Variants in BCAT2 observed in about 807,000 individuals in gnomAD.
BCAT2 encodes branched-chain-amino-acid aminotransferase, mitochondrial.
A neutral mutation model predicts 52.9 loss-of-function variants in BCAT2; 44 were observed. The observed-to-expected ratio is 0.83, with a 90% CI of 0.65 to 1.07. BCAT2 has a LOEUF of 1.07. Ranked by LOEUF, BCAT2 falls within the 50% of genes least tolerant of loss-of-function variation. The pLI is 0.00. For missense variants in BCAT2, 478 were observed against 521.8 expected (o/e 0.92, Z 0.82); for synonymous variants, 215 against 217.1 (o/e 0.99, Z 0.08).
chr19:48,800,300 G>T lies in BCAT2; in HGVS notation c.301-3C>A, dbSNP rs755626342. Reference sequence around the variant, plus strand: ...AACGCCTTCATGCCCTCAAACAGCTGCGGGGACACGCGGGTGGGGAGGCTC... The same window carrying T: ...AACGCCTTCATGCCCTCAAACAGCTTCGGGGACACGCGGGTGGGGAGGCTC... On this transcript the variant is annotated splice_region_variant and splice_polypyrimidine_tract_variant and intron_variant, in intron 3 of 10. Coordinates refer to ENST00000316273, the MANE Select transcript of BCAT2 (RefSeq NM_001190.4). 1.2e-6 allele frequency: 2 copies of T among 1,612,734 alleles called. No individual in the cohort carries two copies. Among genetic ancestry groups the T allele is most frequent in the Non-Finnish European group, 1.7e-6 (2 of 1,179,834 alleles).
chr19:48,810,923 T>C lies in BCAT2; in HGVS notation c.24+61A>G, dbSNP rs1485020776. On this transcript the variant is annotated intron_variant, in intron 1 of 10. Transcript: ENST00000316273. ...TCGGACCGGCTGCAGGCCAGTGGTCTTCCCGGAAGTGCGCCTCCCCCGGTT... is the reference window on the plus strand; with the variant it reads ...TCGGACCGGCTGCAGGCCAGTGGTCCTCCCGGAAGTGCGCCTCCCCCGGTT... 7 of 1,584,652 alleles carry C rather than the reference T, an allele frequency of 4.4e-6. No individual in the cohort carries two copies. The Admixed American group carries it at 1.2e-4, about 28-fold the overall frequency.
chr19:48,800,163 C>G, intron 4 of BCAT2, 24 bp downstream of exon 4: 1 of 1,612,762 alleles, frequency 6.2e-7, no homozygotes, highest in Non-Finnish European at 8.5e-7. Flanking sequence ...CTCCTCCCCA[C>G]CCCGGTGGAC....
In BCAT2 at chr19:48,810,846, T is replaced by C. The variant is rs1488386800; in HGVS notation, c.24+138A>G. 5 of 1,474,418 alleles carry C rather than the reference T, an allele frequency of 3.4e-6. No individual in the cohort carries two copies. In the African/African-American group the frequency reaches 7.5e-5, roughly 22 times the overall value. The allele number at this position is 1,474,418 out of a possible 1,614,324, so 91.3% of individuals were successfully genotyped here. A position where few individuals can be genotyped will look rare whatever the true frequency, so the allele number is the denominator to read the frequency against. On this transcript the variant is annotated intron_variant, in intron 1 of 10. Transcript: ENST00000316273. ...TCGTGCTCCTTTCCAAAGGGCGCCA[T>C]CCTCCTCCGCGCCCTGCAGCGGAAC...
At chr19:48,801,329 A>G (rs2034653428) in intron 3 of BCAT2, among the ~76,000 whole-genome samples, 1 of 152,038 alleles carries the variant, frequency 6.6e-6, no homozygotes, top group Admixed American at 6.6e-5. Context: ...TTGGGGGGAT[A>G]AAAACCACCA....
At chr19:48,801,821 G>A (rs1424778398) in intron 3 of BCAT2, among the ~76,000 whole-genome samples, 1 of 152,046 alleles carries the variant, frequency 6.6e-6, no homozygotes, top group Non-Finnish European at 1.5e-5. Context: ...GTTTTTGGTA[G>A]AGACGGGGTT....
At position 48,807,131 on chromosome 19, in the gene BCAT2, A is replaced by G. The variant is rs549564650; in HGVS notation, c.25-57T>C. 81 of 1,461,814 alleles carry G rather than the reference A, an allele frequency of 5.5e-5. No individual in the cohort carries two copies. In the South Asian group the frequency reaches 9.9e-4, roughly 18 times the overall value. The allele number at this position is 1,461,814 out of a possible 1,614,324, so 90.6% of individuals were successfully genotyped here. A position where few individuals can be genotyped will look rare whatever the true frequency, so the allele number is the denominator to read the frequency against. ...AGTGGGGCACAGCAGGGGCCCTGGC[A>G]GCTCGCTCGCCACCTCCTGCACTTG... is the stretch of plus-strand genomic sequence containing the variant. On this transcript the variant is annotated intron_variant, in intron 1 of 10. Transcript: ENST00000316273. This position sits in a 1 kb window ranked among gnomAD's most constrained non-coding sequence, Gnocchi z 4.6.
At chr19:48,797,607 G>T (rs891238683) in intron 6 of BCAT2, 5 of 390,676 alleles carry the variant, frequency 1.3e-5, no homozygotes, top group Non-Finnish European at 1.9e-5. Context: ...CTGGAGTGCA[G>T]TGGTGCGATC....
In BCAT2 at chr19:48,807,105, G is replaced by A; in HGVS notation, c.25-31C>T. Reference sequence around the variant, plus strand: ...TGGAGAAAGAAGTGAGAGAGGGGGTGAGTGGGGCACAGCAGGGGCCCTGGC... The same window carrying A: ...TGGAGAAAGAAGTGAGAGAGGGGGTAAGTGGGGCACAGCAGGGGCCCTGGC... On this transcript the variant is annotated intron_variant, in intron 1 of 10. Coordinates refer to ENST00000316273, the MANE Select transcript of BCAT2 (RefSeq NM_001190.4). This position sits in a 1 kb window ranked among gnomAD's most constrained non-coding sequence, Gnocchi z 4.6. 1 of 1,590,808 alleles carries A rather than the reference G, an allele frequency of 6.3e-7. No homozygotes were observed. The highest frequency in any genetic ancestry group is 8.6e-7 in the Non-Finnish European group (1 of 1,162,204).
At position 48,805,244 on chromosome 19, in the gene BCAT2, T is replaced by C. The variant is rs552624360; in HGVS notation, c.300+1273A>G. On this transcript the variant is annotated intron_variant, in intron 3 of 10. Transcript: ENST00000316273. ...CCTCCTGGATCTGTCTCCTAGAAAC[T>C]TCACAGTATCTCAGGCTCACCAGGT... is the stretch of plus-strand genomic sequence containing the variant. Among the ~76,000 whole-genome samples the C allele has an allele frequency of 3.2e-4, 48 of 152,174 alleles. 2 individuals are homozygous for C. In the Middle Eastern group the frequency reaches 0.014, roughly 43 times the overall value.
intron 3 of BCAT2, among the ~76,000 whole-genome samples, chr19:48,802,958 G>A (rs933141363): frequency 2.6e-5 from 4 of 152,210 alleles, no homozygotes; most frequent in Non-Finnish European, 4.4e-5. Flanking sequence ...GAACTGGGAG[G>A]CTAAGGTGGG....
At chr19:48,810,683 C>T in intron 1 of BCAT2, 1 of 963,866 alleles carries the variant, frequency 1.0e-6, no homozygotes, top group Non-Finnish European at 1.4e-6. Context: ...CCCCAAATCA[C>T]AACCTCCCCA....
At position 48,795,421 on chromosome 19, in the gene BCAT2, CA is replaced by C. The variant is rs1568503978; in HGVS notation, c.*4del. The C allele has an allele frequency of 6.2e-7, 1 of 1,613,940 alleles. No homozygotes were observed. Among genetic ancestry groups the C allele is most frequent in the Non-Finnish European group, 8.5e-7 (1 of 1,179,988 alleles). ...GTCGGTGGATCTGGAGCACAGCCTGCAGCTTCACACCGGGAACATCCACTCG... is the reference window on the plus strand; with the variant it reads ...GTCGGTGGATCTGGAGCACAGCCTGCGCTTCACACCGGGAACATCCACTCG... On this transcript the variant is annotated 3_prime_UTR_variant, in exon 11 of 11. Coordinates refer to ENST00000316273, the MANE Select transcript of BCAT2 (RefSeq NM_001190.4).
intron 3 of BCAT2, 47 bp from the exon 4 acceptor site, chr19:48,800,344 T>A (rs909616438): frequency 6.5e-7 from 1 of 1,535,286 alleles, no homozygotes; most frequent in Admixed American, 1.7e-5. Flanking sequence ...CTCCAGACAG[T>A]CATGAGAGAC....
chr19:48,804,945 G>A (rs547377512), intron 3 of BCAT2, among the ~76,000 whole-genome samples: 8 of 152,008 alleles, frequency 5.3e-5, no homozygotes, highest in Non-Finnish European at 8.8e-5. Context: ...GTGTTGCTTA[G>A]ATGTCCAGAG....
Position 48,797,270 on chromosome 19 carries a change from G to C in BCAT2, c.759C>G (p.Leu253=), listed in dbSNP as rs1356628677. 6 of 1,614,120 alleles carry C rather than the reference G, an allele frequency of 3.7e-6. No individual in the cohort carries two copies. Among genetic ancestry groups the C allele is most frequent in the Non-Finnish European group, 4.2e-6 (5 of 1,180,004 alleles). Residue 253 remains leucine (L), a synonymous_variant, in exon 7 of 11, where the codon CTC becomes CTG. Transcript: ENST00000316273. ...EALKRGCEQV[L]WLYGPDHQLT... ...GCTGGTGGTCGGGCCCATACAGCCA[G>C]AGGACCTGTTCACAGCCCCGCTTGA...
At chr19:48,796,759 G>T in intron 8 of BCAT2, 41 bp from the exon 9 acceptor site, 1 of 1,597,298 alleles carries the variant, frequency 6.3e-7, no homozygotes. Context: ...CCAGAGGGTT[G>T]CCCTGCTGCA....
rs758561917 is a variant in BCAT2 at position 48,799,786 on chromosome 19, C to G, written c.584G>C (p.Cys195Ser). The change falls in exon 6 of 11, where the codon TGC becomes TCC. Residue 195 changes from cysteine to serine, a missense_variant. By Grantham distance (112) the Cys-to-Ser change is moderately radical. Coordinates refer to ENST00000316273, the MANE Select transcript of BCAT2 (RefSeq NM_001190.4). This position sits in a 1 kb window ranked among gnomAD's most constrained non-coding sequence, Gnocchi z 5.5. ...TCCAGGGAAGTAGGCACCCACTGGGCAGAGAATGACGAACAGGAGCGCGCG... is the reference window on the plus strand; with the variant it reads ...TCCAGGGAAGTAGGCACCCACTGGGGAGAGAATGACGAACAGGAGCGCGCG... ...PTRALLFVIL[C>S]PVGAYFPGGS... The G allele has an allele frequency of 7.0e-6, 11 of 1,566,264 alleles. 1 individual carries two copies. In the South Asian group the frequency reaches 1.3e-4, roughly 18 times the overall value.
intron 6 of BCAT2, among the ~76,000 whole-genome samples, chr19:48,797,969 G>C (rs1349367397): frequency 6.6e-6 from 1 of 150,706 alleles, no homozygotes; most frequent in African/African-American, 2.4e-5. Flanking sequence ...GGGGCATGCA[G>C]CACCATGTCC....
In BCAT2 at chr19:48,800,933, C is replaced by T. The variant is rs546727616; in HGVS notation, c.301-636G>A. 1.3e-3 allele frequency among the ~76,000 whole-genome samples: 197 copies of T among 152,218 alleles called. 1 individual carries two copies. The highest frequency in any genetic ancestry group is 4.5e-3 in the African/African-American group (186 of 41,516). On this transcript the variant is annotated intron_variant, in intron 3 of 10. Coordinates refer to ENST00000316273, the MANE Select transcript of BCAT2 (RefSeq NM_001190.4). ...CACGTTTACCAGACAGCCTCTCCTG[C>T]AGTCCCATGCACCAGGGTAGGCAGC... is the stretch of plus-strand genomic sequence containing the variant.
Sources: allele counts gnomAD v4.1 joint callset (sites outside exome capture counted in the v4.1 genomes callset), GRCh38; gene constraint gnomAD v4.1.1; non-coding constraint Gnocchi (gnomAD v3.1); transcripts MANE v1.5; gene names NCBI Gene and HGNC (gene_info 2026-07-23, HGNC 2026-07-21).